TSPAN5: variants seen among roughly 807,000 people sequenced by gnomAD.
TSPAN5 encodes tetraspanin-5.
In TSPAN5, 10 loss-of-function variants were observed where a neutral mutation model predicts 37.1. The observed-to-expected ratio is 0.27, with a 90% CI of 0.17 to 0.46. The LOEUF is 0.46. Among genes scored for constraint, TSPAN5 ranks in the 20% least tolerant of loss-of-function variants. The pLI, the probability that TSPAN5 is intolerant of heterozygous loss-of-function variation, is 1.00. For missense variants in TSPAN5, 195 were observed against 326.6 expected (o/e 0.60, Z 3.11); for synonymous variants, 110 against 118.9 (o/e 0.93, Z 0.48).
At chr4:98,651,998 G>A (rs925101779) in intron 1 of TSPAN5, among the ~76,000 whole-genome samples, 37 of 149,492 alleles carry the variant, frequency 2.5e-4, no homozygotes, top group African/African-American at 6.9e-4. Context: ...CTACAGGCAC[G>A]CATCACCACA....
chr4:98,533,163 GTC>G (rs1578972859), intron 1 of TSPAN5, among the ~76,000 whole-genome samples: 1 of 152,216 alleles, frequency 6.6e-6, no homozygotes, highest in Non-Finnish European at 1.5e-5. Context: ...TTTTTGTGGT[GTC>G]TCTGCCAGGT....
intron 1 of TSPAN5, among the ~76,000 whole-genome samples, chr4:98,524,906 G>T (rs1174995500): frequency 3.8e-4 from 58 of 152,054 alleles, no homozygotes; most frequent in Admixed American, 3.8e-3. Context: ...AATTGTTAAT[G>T]ATCTGTTTTT....
intron 1 of TSPAN5, among the ~76,000 whole-genome samples, chr4:98,531,971 T>C (rs150371051): frequency 1.2e-3 from 178 of 152,350 alleles, no homozygotes; most frequent in African/African-American, 4.1e-3. Context: ...CTTTGTCAGA[T>C]GGACAGATTG....
intron 1 of TSPAN5, among the ~76,000 whole-genome samples, chr4:98,567,853 G>A (rs913715567): frequency 1.3e-5 from 2 of 152,196 alleles, no homozygotes; most frequent in African/African-American, 2.4e-5. Flanking sequence ...CAATATAGCC[G>A]TGGGTACTGG....
Position 98,520,046 on chromosome 4 carries a change from G to A in TSPAN5, c.82-12318C>T, listed in dbSNP as rs75217400. Among the ~76,000 whole-genome samples the A allele has an allele frequency of 2.2e-3, 337 of 152,266 alleles. 5 individuals carry two copies. The East Asian group carries it at 0.043, about 20-fold the overall frequency. On this transcript the variant is annotated intron_variant, in intron 1 of 7. Transcript: ENST00000305798. The stretch of plus-strand genomic sequence containing the variant: ...CCTGGCTCAATAAATAACTGACTGT[G>A]GTTATCATTAAGGCTACATATAGTC...
chr4:98,507,536 A>G (rs1753505518), intron 2 of TSPAN5, 142 bp downstream of exon 2: 1 of 552,736 alleles, frequency 1.8e-6, no homozygotes, highest in Non-Finnish European at 3.1e-6. Context: ...AGAGTATGAC[A>G]TTAATCTTCC....
intron 1 of TSPAN5, among the ~76,000 whole-genome samples, chr4:98,651,033 G>A (rs962782659): frequency 6.6e-6 from 1 of 152,196 alleles, no homozygotes; most frequent in African/African-American, 2.4e-5. Context: ...TGGTTTCAAT[G>A]TAATTTGCCA....
At chr4:98,491,647 CA>C (rs921093199) in intron 2 of TSPAN5, among the ~76,000 whole-genome samples, 47 of 151,210 alleles carry the variant, frequency 3.1e-4, no homozygotes, top group African/African-American at 1.1e-3. Flanking sequence ...GAGATTGAGC[CA>C]CTGCACTCCA....
intron 1 of TSPAN5, among the ~76,000 whole-genome samples, chr4:98,521,298 G>C (rs1255562981): frequency 6.6e-6 from 1 of 152,192 alleles, no homozygotes; most frequent in Non-Finnish European, 1.5e-5. Flanking sequence ...AGATAGCCTT[G>C]AAAGATTCAG....
At chr4:98,486,541 G>A (rs1367797325) in intron 3 of TSPAN5, 197 bp downstream of exon 3, 1 of 567,298 alleles carries the variant, frequency 1.8e-6, no homozygotes, top group Non-Finnish European at 3.1e-6. Flanking sequence ...GGGGTGGTGG[G>A]GGTGGTGTTG....
chr4:98,507,177 G>A (rs955024307), intron 2 of TSPAN5, among the ~76,000 whole-genome samples: 41 of 152,106 alleles, frequency 2.7e-4, no homozygotes, highest in African/African-American at 9.7e-4. Flanking sequence ...CATTAATGAT[G>A]AGTGTATTTG....
At chr4:98,653,887 T>C (rs935309396) in intron 1 of TSPAN5, among the ~76,000 whole-genome samples, 3 of 152,188 alleles carry the variant, frequency 2.0e-5, no homozygotes, top group Non-Finnish European at 2.9e-5. Context: ...CACTTCTCCA[T>C]CAAAAGGTGG....
At chr4:98,561,009 C>T (rs962777949) in intron 1 of TSPAN5, among the ~76,000 whole-genome samples, 3 of 152,186 alleles carry the variant, frequency 2.0e-5, no homozygotes, top group African/African-American at 7.2e-5. Context: ...TAGCTGTCTA[C>T]CAAAACTCCA....
chr4:98,634,066 C>T (rs1026290651), intron 1 of TSPAN5, among the ~76,000 whole-genome samples: 13 of 149,066 alleles, frequency 8.7e-5, no homozygotes, highest in African/African-American at 2.5e-4. Context: ...GCAACAAGAG[C>T]GAAACTCTGT....
At chr4:98,576,366 T>A (rs1321644736) in intron 1 of TSPAN5, among the ~76,000 whole-genome samples, 3 of 152,210 alleles carry the variant, frequency 2.0e-5, no homozygotes, top group Admixed American at 6.5e-5. Flanking sequence ...GGAAAATTTT[T>A]AAAAACATAG....
chr4:98,610,716 T>C (rs1344854334), intron 1 of TSPAN5, among the ~76,000 whole-genome samples: 2 of 152,148 alleles, frequency 1.3e-5, no homozygotes, highest in Non-Finnish European at 2.9e-5. Context: ...TATAAAATGC[T>C]CTGTGGTGCC....
intron 1 of TSPAN5, among the ~76,000 whole-genome samples, chr4:98,508,274 G>A (rs1244833951): frequency 2.0e-5 from 3 of 152,090 alleles, no homozygotes; most frequent in Non-Finnish European, 4.4e-5. Context: ...CAGAAACTTC[G>A]ATTGTGTAAA....
chr4:98,592,346 GC>G (rs1404963363), intron 1 of TSPAN5, among the ~76,000 whole-genome samples: 2 of 149,286 alleles, frequency 1.3e-5, no homozygotes, highest in African/African-American at 5.0e-5. Flanking sequence ...TTCAAAATGA[GC>G]CAGTATTCAA....
intron 1 of TSPAN5, among the ~76,000 whole-genome samples, chr4:98,608,516 C>T (rs769575239): frequency 1.9e-4 from 29 of 152,294 alleles, no homozygotes; most frequent in Non-Finnish European, 3.4e-4. Context: ...TCAGTCACCA[C>T]GGAGAGGAAC....
Sources: gnomAD v4.1 joint callset for allele counts (sites outside exome capture counted in the v4.1 genomes callset) on GRCh38, gnomAD v4.1.1 for gene constraint, MANE v1.5 for transcripts, NCBI Gene and HGNC (gene_info 2026-07-23, HGNC 2026-07-21) for gene names.